NKAIN3: variants seen among roughly 807,000 people sequenced by gnomAD.
NKAIN3 encodes sodium/potassium transporting ATPase interacting 3, also known as sodium/potassium-transporting ATPase subunit beta-1-interacting protein 3.
NKAIN3 carries 25 observed loss-of-function variants against 30.2 expected under a neutral mutation model. The ratio of observed to expected loss-of-function variants is 0.83; its 90% confidence interval spans 0.60 to 1.16. The LOEUF is 1.16. Among genes scored for constraint, NKAIN3 ranks in the 50% most tolerant of loss-of-function variants. The pLI is 0.00. For synonymous variants in NKAIN3, 91 were observed against 89.6 expected (o/e 1.02, Z -0.09); for missense variants, 225 against 254.1 (o/e 0.89, Z 0.78).
intron 4 of NKAIN3, among the ~76,000 whole-genome samples, chr8:62,800,325 G>A (rs748150048): frequency 6.6e-6 from 1 of 152,176 alleles, no homozygotes. Context: ...TCGTGGAGGG[G>A]TTCATGCAAG....
intron 3 of NKAIN3, among the ~76,000 whole-genome samples, chr8:62,663,147 T>C (rs1319951752): frequency 2.6e-5 from 4 of 151,472 alleles, no homozygotes; most frequent in African/African-American, 9.7e-5. Context: ...AAGCAGAGAG[T>C]GATTTGATGA....
chr8:62,467,367 C>A (rs1013752657), intron 1 of NKAIN3, among the ~76,000 whole-genome samples: 3 of 152,160 alleles, frequency 2.0e-5, no homozygotes, highest in African/African-American at 7.2e-5. Context: ...CAATCATGAT[C>A]AGAAACCTTA....
At chr8:62,626,539 G>T (rs776013634) in intron 3 of NKAIN3, among the ~76,000 whole-genome samples, 1 of 152,104 alleles carries the variant, frequency 6.6e-6, no homozygotes, top group Non-Finnish European at 1.5e-5. Context: ...GGTGGAGGAA[G>T]GAGACAACAG....
At chr8:62,534,503 C>A (rs1366384021) in intron 1 of NKAIN3, among the ~76,000 whole-genome samples, 1 of 152,090 alleles carries the variant, frequency 6.6e-6, no homozygotes, top group East Asian at 1.9e-4. Context: ...TTCACACCCC[C>A]AAAACCAACA....
chr8:62,614,047 T>A (rs1300476473), intron 3 of NKAIN3, among the ~76,000 whole-genome samples: 1 of 152,102 alleles, frequency 6.6e-6, no homozygotes, highest in African/African-American at 2.4e-5. Flanking sequence ...TTTGGTGAGG[T>A]TATATTTTTC....
At chr8:62,275,276 A>G (rs1174067140) in intron 1 of NKAIN3, among the ~76,000 whole-genome samples, 6 of 152,142 alleles carry the variant, frequency 3.9e-5, no homozygotes, top group Non-Finnish European at 7.4e-5. Flanking sequence ...TGACTTTTTA[A>G]TGATTGCATT....
At chr8:62,861,702 G>C (rs532126984) in intron 4 of NKAIN3, among the ~76,000 whole-genome samples, 3 of 152,338 alleles carry the variant, frequency 2.0e-5, no homozygotes, top group South Asian at 4.1e-4. Flanking sequence ...ATCAGTCAAA[G>C]ATGTCATCCC....
At chr8:62,694,378 A>C (rs986174413) in intron 3 of NKAIN3, among the ~76,000 whole-genome samples, 2 of 152,342 alleles carry the variant, frequency 1.3e-5, no homozygotes, top group African/African-American at 4.8e-5. Context: ...GCCACAAAAA[A>C]AGACTGAAAT....
In NKAIN3 at chr8:62,492,412, G is replaced by A. The variant is rs74622617; in HGVS notation, c.55-87127G>A. ...AACCAACATTTCTGGGGTGCAGTGA[G>A]TCTTCTTTGGTCCTAATTTTCTTCT... On this transcript the variant is annotated intron_variant, in intron 1 of 6. Transcript: ENST00000623646. Among the ~76,000 whole-genome samples the A allele has an allele frequency of 2.1e-3, 326 of 152,196 alleles. 5 individuals are homozygous for A. The East Asian group carries it at 0.032, about 15-fold the overall frequency.
chr8:62,906,777 T>C (rs1326261431), intron 4 of NKAIN3, among the ~76,000 whole-genome samples: 1 of 152,196 alleles, frequency 6.6e-6, no homozygotes, highest in Non-Finnish European at 1.5e-5. Context: ...TCCCCAGCCA[T>C]GTGCAACTGT....
rs578243121 is a variant in NKAIN3, at chr8:62,250,558, A to G, written c.54+1431A>G. Among the ~76,000 whole-genome samples the G allele has an allele frequency of 2.1e-3, 324 of 152,372 alleles. 1 individual carries two copies. The highest frequency in any genetic ancestry group is 7.0e-3 in the African/African-American group (291 of 41,586). On this transcript the variant is annotated intron_variant, in intron 1 of 6. Coordinates refer to ENST00000623646, the MANE Select transcript of NKAIN3 (RefSeq NM_001304533.3). ...CTTATAAGTTGGAAAAACTGACTAA[A>G]CATTGAGTCAACCCTTGATTCAATG...
intron 4 of NKAIN3, among the ~76,000 whole-genome samples, chr8:62,908,153 G>T (rs776459008): frequency 2.6e-5 from 4 of 152,044 alleles, no homozygotes; most frequent in Non-Finnish European, 5.9e-5. Context: ...TCATTTTGGC[G>T]CTTACTGCCC....
intron 1 of NKAIN3, among the ~76,000 whole-genome samples, chr8:62,537,591 A>G (rs940624716): frequency 1.3e-5 from 2 of 151,024 alleles, no homozygotes; most frequent in African/African-American, 4.9e-5. Flanking sequence ...TTTTGACTAT[A>G]TTACTCCAAG....
intron 1 of NKAIN3, among the ~76,000 whole-genome samples, chr8:62,557,477 G>A (rs1311357184): frequency 6.6e-6 from 1 of 151,828 alleles, no homozygotes; most frequent in African/African-American, 2.4e-5. Flanking sequence ...AAAAAAAAAT[G>A]TTCACACTGT....
intron 4 of NKAIN3, among the ~76,000 whole-genome samples, chr8:62,886,236 T>C (rs946257562): frequency 2.6e-4 from 39 of 152,098 alleles, no homozygotes; most frequent in African/African-American, 8.4e-4. Flanking sequence ...CAAATAACAC[T>C]ATACCAGTTC....
At chr8:62,882,281 G>A (rs977050156) in intron 4 of NKAIN3, among the ~76,000 whole-genome samples, 22 of 151,994 alleles carry the variant, frequency 1.4e-4, no homozygotes, top group African/African-American at 5.3e-4. Flanking sequence ...TTTCTTTCAA[G>A]GAACATGTTT....
intron 1 of NKAIN3, among the ~76,000 whole-genome samples, chr8:62,397,167 C>T (rs917373122): frequency 3.3e-5 from 5 of 151,868 alleles, no homozygotes; most frequent in African/African-American, 9.7e-5. Flanking sequence ...CCTCAGTGCT[C>T]GAAGGACCAC....
chr8:62,397,566 T>A (rs1052315391), intron 1 of NKAIN3, among the ~76,000 whole-genome samples: 5 of 152,240 alleles, frequency 3.3e-5, no homozygotes, highest in Middle Eastern at 3.4e-3. Flanking sequence ...GAATTCAGAA[T>A]AGAATCTGGG....
chr8:62,554,900 A>T (rs1809335807), intron 1 of NKAIN3, among the ~76,000 whole-genome samples: 1 of 151,926 alleles, frequency 6.6e-6, no homozygotes, highest in Non-Finnish European at 1.5e-5. Context: ...GGCTTTTATT[A>T]ATTCTAAATA....
Sources: allele counts gnomAD v4.1 joint callset (sites outside exome capture counted in the v4.1 genomes callset), GRCh38; gene constraint gnomAD v4.1.1; transcripts MANE v1.5; gene names NCBI Gene and HGNC (gene_info 2026-07-23, HGNC 2026-07-21).